Variants in RBM33 observed in about 807,000 individuals in gnomAD.
RBM33 encodes RNA binding motif protein 33, also known as RNA-binding protein 33.
A neutral mutation model predicts 132.6 loss-of-function variants in RBM33; 28 were observed. The ratio of observed to expected loss-of-function variants is 0.21; its 90% CI spans 0.16 to 0.29. The LOEUF (loss-of-function observed/expected upper bound fraction) is 0.29, where lower values mean the gene tolerates loss of function less well. Among genes scored for constraint, RBM33 ranks in the 10% least tolerant of loss-of-function variants. The probability of loss-of-function intolerance (pLI) is 1.00; values close to 1 mark genes in which losing one functional copy is unlikely to be tolerated. For missense variants in RBM33, 1,291 were observed against 1,518.5 expected (o/e 0.85, Z 2.49); for synonymous variants, 634 against 593.0 (o/e 1.07, Z -1.01).
rs34251346 is a variant in RBM33 at position 155,770,594 on chromosome 7, CTTTTTTTTT to C, written c.3375+3950_3376-3946del. On this transcript the variant is annotated intron_variant, in intron 16 of 17. Coordinates refer to ENST00000401878, the MANE Select transcript of RBM33 (RefSeq NM_053043.3). ...ACTTGTGTTTAAAAGCAGCTGATAC[CTTTTTTTTT>C]TTTTTTTTTTCCTTTAAGTGATTCC... 2.5e-3 allele frequency among the ~76,000 whole-genome samples: 341 copies of C among 136,264 alleles called. 2 individuals are homozygous for C. The highest frequency in any genetic ancestry group is 0.012 in the Middle Eastern group (3 of 254). The allele number at this position is 136,264 out of a possible 152,430, so 89.4% of individuals were successfully genotyped here.
In RBM33 at chr7:155,728,660, TGTA is replaced by T. The variant is rs1338603174; in HGVS notation, c.1261-8866_1261-8864del. Among the ~76,000 whole-genome samples the T allele has an allele frequency of 1.3e-5, 2 of 152,212 alleles. 1 individual carries two copies. Among genetic ancestry groups the T allele is most frequent in the Admixed American group, 1.3e-4 (2 of 15,286 alleles). ...CATGACTGTCTGACTTTTGACTTGATGTAGTACTTACTGGTTTTCTTGACTCTG... is the reference window on the plus strand; with the variant it reads ...CATGACTGTCTGACTTTTGACTTGATGTACTTACTGGTTTTCTTGACTCTG... On this transcript the variant is annotated intron_variant, in intron 9 of 17. Coordinates refer to ENST00000401878, the MANE Select transcript of RBM33 (RefSeq NM_053043.3).
At chr7:155,659,769 C>T (rs1798590886) in intron 1 of RBM33, among the ~76,000 whole-genome samples, 1 of 152,102 alleles carries the variant, frequency 6.6e-6, no homozygotes, top group African/African-American at 2.4e-5. Context: ...TATATTAAAA[C>T]AACAGAAATT....
chr7:155,660,736 A>G (rs746752937), intron 1 of RBM33, among the ~76,000 whole-genome samples: 1 of 152,110 alleles, frequency 6.6e-6, no homozygotes. Flanking sequence ...GTTTATTATC[A>G]TTTGAGTTTG....
chr7:155,674,901 G>C (rs1260779472), intron 3 of RBM33, among the ~76,000 whole-genome samples: 1 of 152,062 alleles, frequency 6.6e-6, no homozygotes, highest in African/African-American at 2.4e-5. Flanking sequence ...TACCTTATAG[G>C]AATCAAGGCA....
Position 155,644,689 on chromosome 7 carries a change from A to C in RBM33, c.-188A>C. 6 of 442,862 alleles carry C rather than the reference A, an allele frequency of 1.4e-5. No individual in the cohort carries two copies. Among genetic ancestry groups the C allele is most frequent in the East Asian group, 3.7e-5 (1 of 26,742 alleles). The allele number at this position is 442,862 out of a possible 1,614,324, so 27.4% of individuals were successfully genotyped here. ...CGCGGGCGCGCGGCCATGTTGCGGT[A>C]GTTTGTTGTTTTCTTCCTGCGGAGG... On this transcript the variant is annotated 5_prime_UTR_variant, in exon 1 of 18. The change abolishes the stop of an existing upstream ORF in the 5' untranslated region. Coordinates refer to ENST00000401878, the MANE Select transcript of RBM33 (RefSeq NM_053043.3).
At chr7:155,676,017 A>G (rs906441776) in intron 3 of RBM33, among the ~76,000 whole-genome samples, 2 of 152,256 alleles carry the variant, frequency 1.3e-5, no homozygotes, top group South Asian at 2.1e-4. Flanking sequence ...TAGCGAGTTA[A>G]TTACTACAGG....
intron 5 of RBM33, among the ~76,000 whole-genome samples, chr7:155,681,918 T>G (rs1284750900): frequency 6.6e-6 from 1 of 152,104 alleles, no homozygotes; most frequent in African/African-American, 2.4e-5. Flanking sequence ...TTTAGGTGTC[T>G]CAGTAGTTTT....
Position 155,711,203 on chromosome 7 carries a change from C to T in RBM33, c.949C>T (p.Pro317Ser). Reference sequence around the variant, plus strand: ...TTCTCCAAGGTTAATTCCTCCACAGCCCCAGGCTCCCCCTCCACCGCCACC... The same window carrying T: ...TTCTCCAAGGTTAATTCCTCCACAGTCCCAGGCTCCCCCTCCACCGCCACC... ...ALLPTQPPVV[P>S]QAPPPPPPPP... is the part of the protein sequence containing the mutation. The change falls in exon 8 of 18, where the codon CCC becomes TCC. Residue 317 changes from proline to serine, a missense_variant and splice_region_variant. Physicochemically the swap from Pro to Ser is moderately conservative, Grantham distance 74. Coordinates refer to ENST00000401878, the MANE Select transcript of RBM33 (RefSeq NM_053043.3). The T allele has an allele frequency of 2.6e-6, 4 of 1,550,448 alleles. No individual in the cohort carries two copies. The highest frequency in any genetic ancestry group is 3.5e-6 in the Non-Finnish European group (4 of 1,147,692).
In RBM33 at chr7:155,700,687, A is replaced by G. The variant is rs181969922; in HGVS notation, c.568-86A>G. 35 of 1,026,544 alleles carry G rather than the reference A, an allele frequency of 3.4e-5. No individual in the cohort carries two copies. In the East Asian group the frequency reaches 5.3e-4, roughly 15 times the overall value. The allele number at this position is 1,026,544 out of a possible 1,614,324, so 63.6% of individuals were successfully genotyped here. On this transcript the variant is annotated intron_variant, in intron 5 of 17. Coordinates refer to ENST00000401878, the MANE Select transcript of RBM33 (RefSeq NM_053043.3). The stretch of plus-strand genomic sequence containing the variant: ...ATTTTTTACATCTGAAATATAAACA[A>G]TTAAATATTTTAGCATTCTTTAATA...
chr7:155,735,202 A>G (rs934258338), intron 9 of RBM33, among the ~76,000 whole-genome samples: 4 of 152,230 alleles, frequency 2.6e-5, no homozygotes, highest in Admixed American at 2.0e-4. Context: ...TGGAGGAGAT[A>G]TATTCATGTT....
intron 14 of RBM33, chr7:155,746,668 A>C (rs926136757): frequency 1.3e-5 from 2 of 152,220 alleles, no homozygotes; most frequent in Non-Finnish European, 2.9e-5. Flanking sequence ...TAGTTGTGGT[A>C]AGTAGCTCTC....
chr7:155,678,711 G>T, intron 4 of RBM33, 27 bp downstream of exon 4: 2 of 1,165,284 alleles, frequency 1.7e-6, no homozygotes, highest in South Asian at 1.4e-5. Context: ...CATTATAAAT[G>T]TTCTTTATTT....
At position 155,779,242 on chromosome 7, in the gene RBM33, G is replaced by A. The variant is rs1802729536; in HGVS notation, c.*4201G>A. On this transcript the variant is annotated 3_prime_UTR_variant, in exon 18 of 18. Transcript: ENST00000401878. Reference sequence around the variant, plus strand: ...TGGAGTGGGAGGGAGGGGGGTGGGCGAGAGAAAGCTCGAAAGGTATTATTG... The same window carrying A: ...TGGAGTGGGAGGGAGGGGGGTGGGCAAGAGAAAGCTCGAAAGGTATTATTG... The A allele has an allele frequency of 6.7e-6, 1 of 150,028 alleles. No individual in the cohort carries two copies. The highest frequency in any genetic ancestry group is 1.5e-5 in the Non-Finnish European group (1 of 67,596). The allele number at this position is 150,028 out of a possible 1,614,324, so 9.3% of individuals were successfully genotyped here.
At chr7:155,649,901 G>A (rs532327843) in intron 1 of RBM33, among the ~76,000 whole-genome samples, 2 of 152,300 alleles carry the variant, frequency 1.3e-5, no homozygotes, top group East Asian at 1.9e-4. Flanking sequence ...CTGCATATGC[G>A]TAGCTCAAAG....
At chr7:155,662,696 A>G (rs1382596270) in intron 1 of RBM33, among the ~76,000 whole-genome samples, 1 of 151,660 alleles carries the variant, frequency 6.6e-6, no homozygotes, top group Non-Finnish European at 1.5e-5. Flanking sequence ...GACCCAGGGC[A>G]GGGGTTCTCT....
rs374799896 is a variant in RBM33, at chr7:155,748,372, C to T, written c.2979+2770C>T. ...TCACGTCTCTAGACAGGATAGCAAA[C>T]TATCTTTGCATAGTGCCATTCAAGA... On this transcript the variant is annotated intron_variant, in intron 14 of 17. Transcript: ENST00000401878. Among the ~76,000 whole-genome samples, 71 of 152,310 alleles carry T rather than the reference C, an allele frequency of 4.7e-4. No homozygotes were observed. The South Asian group carries it at 0.014, about 30-fold the overall frequency.
At chr7:155,654,067 A>C (rs1368651078) in intron 1 of RBM33, among the ~76,000 whole-genome samples, 1 of 152,238 alleles carries the variant, frequency 6.6e-6, no homozygotes, top group Admixed American at 6.5e-5. Flanking sequence ...AAGATGGCTG[A>C]GTGAAGTGTA....
intron 6 of RBM33, 74 bp downstream of exon 6, chr7:155,701,018 C>G (rs200387686): frequency 3.7e-4 from 476 of 1,303,970 alleles, no homozygotes; most frequent in Non-Finnish European, 5.1e-4. Flanking sequence ...TGTAATTAAT[C>G]AAAGTAGGCA....
rs374955416 is a variant in RBM33, at chr7:155,742,120, C to T, written c.2337+14C>T. ...ACAGAAACAGAGGTAGGACACTGCT[C>T]TTATTAACAAATGTTGGTCTCAAAC... On this transcript the variant is annotated intron_variant, in intron 13 of 17. Coordinates refer to ENST00000401878, the MANE Select transcript of RBM33 (RefSeq NM_053043.3). 3.8e-6 allele frequency: 6 copies of T among 1,591,970 alleles called. No individual in the cohort carries two copies. Among genetic ancestry groups the T allele is most frequent in the Non-Finnish European group, 5.1e-6 (6 of 1,165,236 alleles).
Sources: gnomAD v4.1 joint callset for allele counts (sites outside exome capture counted in the v4.1 genomes callset) on GRCh38, gnomAD v4.1.1 for gene constraint, MANE v1.5 for transcripts, NCBI Gene and HGNC (gene_info 2026-07-23, HGNC 2026-07-21) for gene names.